The following KIAA1586 variants were observed in gnomAD, a reference collection of about 807,000 sequenced individuals.
The protein encoded by KIAA1586 is E3 SUMO-protein ligase KIAA1586.
In KIAA1586, 5 loss-of-function variants were observed where a neutral mutation model predicts 6.1. The ratio of observed to expected loss-of-function variants is 0.82; its 90% CI spans 0.43 to 1.73. KIAA1586 has a LOEUF of 1.73. Among genes scored for constraint, KIAA1586 ranks in the 40% most tolerant of loss-of-function variants. KIAA1586 has a pLI of 0.02. For synonymous variants in KIAA1586, 280 were observed against 301.7 expected, an observed-to-expected ratio of 0.93 and a Z score of 0.75; for missense variants, 899 against 878.2, an observed-to-expected ratio of 1.02 and a Z score of -0.30.
chr6:57,064,014 C>T, the KIAA1586 span, among the ~76,000 whole-genome samples: 3 of 152,066 alleles, frequency 2.0e-5, no homozygotes, highest in Non-Finnish European at 4.4e-5. Context: ...AGACATGTGC[C>T]GTGTAAGACA....
chr6:57,061,954 C>A, the KIAA1586 span, among the ~76,000 whole-genome samples: 1 of 143,348 alleles, frequency 7.0e-6, no homozygotes. Context: ...TTTTTTTAGA[C>A]AGGGTCTCAC....
At chr6:57,063,987 T>G in the KIAA1586 span, among the ~76,000 whole-genome samples, 1 of 152,288 alleles carries the variant, frequency 6.6e-6, no homozygotes, top group South Asian at 2.1e-4. Context: ...GCAGCCTCCC[T>G]GGTGGTGAGC....
downstream of KIAA1586, among the ~76,000 whole-genome samples, chr6:57,058,754 T>C (rs1828529437): frequency 6.6e-6 from 1 of 152,218 alleles, no homozygotes; most frequent in Admixed American, 6.5e-5. Context: ...GCTTGAAGTT[T>C]TCATTGTATT....
In KIAA1586 at chr6:57,054,209, T is replaced by C. The variant is rs760433108; in HGVS notation, c.1710T>C (p.Gly570=). 2 of 1,593,900 alleles carry C rather than the reference T, an allele frequency of 1.3e-6. No individual in the cohort carries two copies. Among genetic ancestry groups the C allele is most frequent in the African/African-American group, 2.7e-5 (2 of 73,330 alleles). ...TIRALENLKI[G]TGKYESQIED... is the part of the protein sequence containing the mutation. Reference sequence around the variant, plus strand: ...GAGCTTTGGAAAATTTAAAAATTGGTACTGGAAAGTATGAATCTCAAATTG... The same window carrying C: ...GAGCTTTGGAAAATTTAAAAATTGGCACTGGAAAGTATGAATCTCAAATTG... The change falls in exon 4 of 4, where the codon GGT becomes GGC. Residue 570 remains glycine (G), a synonymous_variant. Coordinates refer to ENST00000370733, the MANE Select transcript of KIAA1586 (RefSeq NM_020931.4).
chr6:57,058,481 C>G (rs779355185), downstream of KIAA1586, among the ~76,000 whole-genome samples: 3 of 152,190 alleles, frequency 2.0e-5, no homozygotes, highest in Non-Finnish European at 4.4e-5. Flanking sequence ...ACAAAACTTA[C>G]TGTACTGTTA....
chr6:57,051,132 T>C (rs894492331), intron 3 of KIAA1586, among the ~76,000 whole-genome samples: 1 of 150,522 alleles, frequency 6.6e-6, no homozygotes, highest in African/African-American at 2.5e-5. Context: ...CTTGGGAGGC[T>C]GAGGCAGGAG....
chr6:57,062,131 A>G, the KIAA1586 span, among the ~76,000 whole-genome samples: 4 of 151,546 alleles, frequency 2.6e-5, no homozygotes, highest in Non-Finnish European at 5.9e-5. Context: ...GGTTTTCACC[A>G]TGTTGCCCAG....
In KIAA1586 at chr6:57,054,604, T is replaced by A. The variant is rs1486688495; in HGVS notation, c.2105T>A (p.Ile702Asn). The change falls in exon 4 of 4, where the codon ATC becomes AAC. Residue 702 changes from isoleucine (I) to asparagine (N), a missense_variant. Ile to Asn is a moderately radical substitution (Grantham distance 149). Coordinates refer to ENST00000370733, the MANE Select transcript of KIAA1586 (RefSeq NM_020931.4). ...AAAAAGATAGTTAGCACCATTGCAA[T>A]CAATAGTGCTGAAGCTGAAAGGGGT... is the stretch of plus-strand genomic sequence containing the variant. ...KAKKIVSTIA[I>N]NSAEAERGFN... is the part of the protein sequence containing the mutation. The A allele has an allele frequency of 6.2e-7, 1 of 1,604,250 alleles. No individual in the cohort carries two copies. The highest frequency in any genetic ancestry group is 8.5e-7 in the Non-Finnish European group (1 of 1,173,810).
chr6:57,054,488 A>G lies in KIAA1586; in HGVS notation c.1989A>G (p.Lys663=). 6.3e-7 allele frequency: 1 copy of G among 1,595,692 alleles called. No individual in the cohort carries two copies. Among genetic ancestry groups the G allele is most frequent in the Non-Finnish European group, 8.5e-7 (1 of 1,173,054 alleles). Residue 663 remains lysine, a synonymous_variant, in exon 4 of 4, where the codon AAA becomes AAG. Coordinates refer to ENST00000370733, the MANE Select transcript of KIAA1586 (RefSeq NM_020931.4). ...TATTTCATTTGTGTAAAATTTTAAA[A>G]TATGAAGTTGATTTGAATGATTTTC... ...KTLFHLCKIL[K]YEVDLNDFRE...
rs1400455908 is a variant in KIAA1586, at chr6:57,046,740, C to T, written c.-16C>T. The T allele has an allele frequency of 6.2e-7, 1 of 1,612,462 alleles. No homozygotes were observed. The highest frequency in any genetic ancestry group is 8.5e-7 in the Non-Finnish European group (1 of 1,179,456). On this transcript the variant is annotated 5_prime_UTR_variant, in exon 1 of 4. Coordinates refer to ENST00000370733, the MANE Select transcript of KIAA1586 (RefSeq NM_020931.4). Reference sequence around the variant, plus strand: ...ACAGCAGGAGCAGTGGTGCTGTCAGCGCGGCCGTCGGAGACATGGGAGACC... The same window carrying T: ...ACAGCAGGAGCAGTGGTGCTGTCAGTGCGGCCGTCGGAGACATGGGAGACC...
At chr6:57,051,384 T>A (rs1050024874) in intron 3 of KIAA1586, among the ~76,000 whole-genome samples, 5 of 151,798 alleles carry the variant, frequency 3.3e-5, no homozygotes, top group Non-Finnish European at 7.3e-5. Flanking sequence ...CATCATTTCC[T>A]ACTATCTGTG....
intron 3 of KIAA1586, 146 bp downstream of exon 3, chr6:57,051,000 C>T (rs922395210): frequency 2.0e-5 from 11 of 547,212 alleles, no homozygotes; most frequent in South Asian, 4.3e-5. Flanking sequence ...GAGGCCGAGG[C>T]GGTTGGATCA....
chr6:57,060,744 A>G, the KIAA1586 span, among the ~76,000 whole-genome samples: 7 of 152,176 alleles, frequency 4.6e-5, no homozygotes, highest in Non-Finnish European at 8.8e-5. Context: ...CAGGGTCACA[A>G]TTAACCAAAA....
At chr6:57,055,589 A>G (rs1828486195), downstream of KIAA1586, among the ~76,000 whole-genome samples, 1 of 152,186 alleles carries the variant, frequency 6.6e-6, no homozygotes. Context: ...TTATCTGAAT[A>G]TTTTATGCAG....
chr6:57,053,247 T>C lies in KIAA1586; in HGVS notation c.748T>C (p.Phe250Leu). ...NKNIDATVKVFNTVYSLVKHN... is the reference protein window; with the variant it reads ...NKNIDATVKVLNTVYSLVKHN... ...AAATATTGATGCTACTGTAAAAGTT[T>C]TCAATACTGTTTACAGTTTAGTAAA... The change falls in exon 4 of 4, where the codon TTC (phenylalanine) becomes CTC (leucine). Residue 250 changes from phenylalanine to leucine, a missense_variant. Physicochemically the swap from Phe to Leu is conservative, Grantham distance 22. Coordinates refer to ENST00000370733, the MANE Select transcript of KIAA1586 (RefSeq NM_020931.4). The C allele has an allele frequency of 6.2e-7, 1 of 1,600,864 alleles. No homozygotes were observed. Among genetic ancestry groups the C allele is most frequent in the Middle Eastern group, 1.7e-4 (1 of 5,966 alleles).
At position 57,054,783 on chromosome 6, in the gene KIAA1586, T is replaced by C. The variant is rs1828462410; in HGVS notation, c.2284T>C (p.Leu762=). 6.4e-7 allele frequency: 1 copy of C among 1,551,272 alleles called. No individual in the cohort carries two copies. The highest frequency in any genetic ancestry group is 1.4e-5 in the African/African-American group (1 of 73,028). Residue 762 remains leucine, a synonymous_variant, in exon 4 of 4, where the codon TTG becomes CTG. Coordinates refer to ENST00000370733, the MANE Select transcript of KIAA1586 (RefSeq NM_020931.4). ...VKSWSNCNHR[L]ATDTRVRQKS... ...ATCTTGGTCAAATTGCAACCACAGG[T>C]TGGCTACAGATACAAGAGTTCGGCA...
intron 2 of KIAA1586, among the ~76,000 whole-genome samples, chr6:57,049,769 A>G (rs1269707517): frequency 2.0e-5 from 3 of 152,074 alleles, no homozygotes; most frequent in Non-Finnish European, 2.9e-5. Flanking sequence ...TCCCATCTTG[A>G]TGTTATTTAT....
At position 57,052,972 on chromosome 6, in the gene KIAA1586, A is replaced by C; in HGVS notation, c.473A>C (p.Lys158Thr). Residue 158 changes from lysine to threonine, a missense_variant, in exon 4 of 4, where the codon AAA becomes ACA. By Grantham distance (78) the Lys-to-Thr change is moderately conservative. Transcript: ENST00000370733. The part of the protein sequence containing the change: ...QYKWLEIKEG[K>T]LGCKDCSAVR... ...AAATGGCTTGAAATAAAAGAAGGTA[A>C]ATTAGGATGTAAGGATTGTTCAGCA... is the stretch of plus-strand genomic sequence containing the variant. 6.2e-7 allele frequency: 1 copy of C among 1,613,904 alleles called. No individual in the cohort carries two copies. The highest frequency in any genetic ancestry group is 8.5e-7 in the Non-Finnish European group (1 of 1,179,900).
At chr6:57,063,327 G>C in the KIAA1586 span, among the ~76,000 whole-genome samples, 1 of 151,936 alleles carries the variant, frequency 6.6e-6, no homozygotes, top group East Asian at 1.9e-4. Flanking sequence ...TGGAAGGGAG[G>C]GGTTTGTTTT....
Sources: gnomAD v4.1 joint callset for allele counts (sites outside exome capture counted in the v4.1 genomes callset) on GRCh38, gnomAD v4.1.1 for gene constraint, MANE v1.5 for transcripts, NCBI Gene and HGNC (gene_info 2026-07-23, HGNC 2026-07-21) for gene names.